PDE3A: variants seen among roughly 807,000 people sequenced by gnomAD.
The protein encoded by PDE3A is phosphodiesterase 3A, also known as cGMP-inhibited 3',5'-cyclic phosphodiesterase 3A.
A neutral mutation model predicts 98.3 loss-of-function variants in PDE3A; 43 were observed. The ratio of observed to expected loss-of-function variants is 0.44; its 90% confidence interval spans 0.34 to 0.56. The LOEUF is 0.56. Among genes scored for constraint, PDE3A ranks in the 20% least tolerant of loss-of-function variants. The pLI is 0.01. For synonymous variants in PDE3A, 663 were observed against 567.9 expected, an observed-to-expected ratio of 1.17 and a Z score of -2.38; for missense variants, 1,427 against 1,440.7, an observed-to-expected ratio of 0.99 and a Z score of 0.15.
At chr12:20,660,718 T>G (rs566313660) in intron 15 of PDE3A, among the ~76,000 whole-genome samples, 2 of 152,318 alleles carry the variant, frequency 1.3e-5, no homozygotes, top group South Asian at 2.1e-4. Context: ...AGATGTGAGT[T>G]GCTTCTCCTT....
chr12:20,513,348 T>G (rs1325647544), intron 1 of PDE3A, among the ~76,000 whole-genome samples: 1 of 152,192 alleles, frequency 6.6e-6, no homozygotes, highest in East Asian at 1.9e-4. Context: ...TATTGTCTAT[T>G]TCATAATATC....
intron 1 of PDE3A, among the ~76,000 whole-genome samples, chr12:20,514,653 AT>A (rs1020163674): frequency 1.3e-5 from 2 of 152,220 alleles, no homozygotes; most frequent in African/African-American, 4.8e-5. Flanking sequence ...GCAGTTATAG[AT>A]TTGTTCAGTG....
chr12:20,673,116 C>G (rs1388267588), intron 15 of PDE3A, among the ~76,000 whole-genome samples: 1 of 152,058 alleles, frequency 6.6e-6, no homozygotes, highest in African/African-American at 2.4e-5. Flanking sequence ...TCATCACTGG[C>G]CATCAGAGAA....
intron 2 of PDE3A, among the ~76,000 whole-genome samples, chr12:20,600,322 A>G (rs539983767): frequency 6.6e-6 from 1 of 152,282 alleles, no homozygotes; most frequent in African/African-American, 2.4e-5. Context: ...AAAGACTCTT[A>G]GCTACGTATC....
rs4415827 is a variant in PDE3A at position 20,648,500 on chromosome 12, T to G, written c.2566-188T>G. The stretch of plus-strand genomic sequence containing the variant: ...GGAAAGGAATTTATCTTACAAAAAG[T>G]GGAAATTTAACCAAGAAAAATAATA... On this transcript the variant is annotated intron_variant, in intron 12 of 15. Coordinates refer to ENST00000359062, the MANE Select transcript of PDE3A (RefSeq NM_000921.5). 0.98 allele frequency among the ~76,000 whole-genome samples: 149,735 copies of G among 152,150 alleles called. 73,721 individuals are homozygous for G. Among genetic ancestry groups the G allele is most frequent in the Middle Eastern group, 1 (294 of 294 alleles).
chr12:20,658,608 G>T (rs1945093442), intron 15 of PDE3A, among the ~76,000 whole-genome samples: 1 of 152,176 alleles, frequency 6.6e-6, no homozygotes, highest in Non-Finnish European at 1.5e-5. Flanking sequence ...GATGTTATGT[G>T]AGCATTGGTT....
rs1371776541 is a variant in PDE3A at position 20,552,798 on chromosome 12, G to A, written c.961-3862G>A. 1.5e-5 allele frequency: 24 copies of A among 1,613,930 alleles called. No homozygotes were observed. Among genetic ancestry groups the A allele is most frequent in the Admixed American group, 5.0e-5 (3 of 60,010 alleles). ...TGAGTAAAGTGGAGGAGACGTTCCA[G>A]TGTATCTGCTGTCAGGAGCTGGTGT... On this transcript the variant is annotated intron_variant, in intron 1 of 15. Transcript: ENST00000359062. This position sits in a 1 kb window ranked among gnomAD's most constrained non-coding sequence, Gnocchi z 5.1.
intron 1 of PDE3A, among the ~76,000 whole-genome samples, chr12:20,541,337 T>G (rs1355173256): frequency 6.6e-6 from 1 of 151,912 alleles, no homozygotes; most frequent in East Asian, 1.9e-4. Context: ...GCTGGCCTCC[T>G]CAACTGATCC....
chr12:20,377,945 CTT>C (rs1196524199), intron 1 of PDE3A, among the ~76,000 whole-genome samples: 2 of 151,652 alleles, frequency 1.3e-5, no homozygotes, highest in South Asian at 4.1e-4. Context: ...TCTAATGTCT[CTT>C]TAGAAATGAA....
intron 1 of PDE3A, among the ~76,000 whole-genome samples, chr12:20,372,269 A>G (rs934518996): frequency 2.0e-5 from 3 of 152,040 alleles, no homozygotes; most frequent in African/African-American, 7.2e-5. Context: ...TATTTCTGTA[A>G]TTTTCTTTGG....
intron 1 of PDE3A, among the ~76,000 whole-genome samples, chr12:20,469,099 G>A (rs79012517): frequency 0.019 from 2,966 of 152,178 alleles, 60 homozygotes; most frequent in Non-Finnish European, 0.029. Context: ...CAGGTATAAG[G>A]AGTCAGAGAT....
At chr12:20,581,263 G>T (rs1592078329) in intron 2 of PDE3A, among the ~76,000 whole-genome samples, 1 of 152,256 alleles carries the variant, frequency 6.6e-6, no homozygotes. Flanking sequence ...CAAACAGAAG[G>T]CTTATTGCCC....
intron 2 of PDE3A, among the ~76,000 whole-genome samples, chr12:20,576,143 AT>A (rs1374859329): frequency 2.6e-5 from 4 of 152,062 alleles, no homozygotes. Flanking sequence ...TGAGTTAAAA[AT>A]AATCCAATTA....
chr12:20,416,854 G>A (rs1944428833), intron 1 of PDE3A, among the ~76,000 whole-genome samples: 2 of 152,154 alleles, frequency 1.3e-5, no homozygotes, highest in East Asian at 1.9e-4. Context: ...ACTTCCTTTA[G>A]GAACAGATAC....
intron 15 of PDE3A, among the ~76,000 whole-genome samples, chr12:20,667,845 G>T (rs551907520): frequency 3.3e-5 from 5 of 152,258 alleles, no homozygotes; most frequent in African/African-American, 1.2e-4. Flanking sequence ...CGGGGGAGGA[G>T]CCAAGATGGC....
intron 1 of PDE3A, among the ~76,000 whole-genome samples, chr12:20,445,538 T>C (rs1489792909): frequency 6.6e-6 from 1 of 152,162 alleles, no homozygotes. Flanking sequence ...TGTATTAAAA[T>C]ATGGGTGGCA....
At position 20,556,666 on chromosome 12, in the gene PDE3A, G is replaced by A; in HGVS notation, c.967G>A (p.Gly323Arg). 1 of 1,590,764 alleles carries A rather than the reference G, an allele frequency of 6.3e-7. No homozygotes were observed. The highest frequency in any genetic ancestry group is 8.6e-7 in the Non-Finnish European group (1 of 1,159,194). The change falls in exon 2 of 16, where the codon GGG becomes AGG. Residue 323 changes from glycine to arginine, a missense_variant. Gly to Arg is a moderately radical substitution (Grantham distance 125). Transcript: ENST00000359062. ...LPCIPREQLM[G>R]HSEWDHKRGP... ...ATAATTTTCATCTTTCCAGCTCATGGGGCATTCAGAATGGGACCACAAACG... is the reference window on the plus strand; with the variant it reads ...ATAATTTTCATCTTTCCAGCTCATGAGGCATTCAGAATGGGACCACAAACG...
rs187238235 is a variant in PDE3A, at chr12:20,430,231, T to A, written c.960+59987T>A. The stretch of plus-strand genomic sequence containing the variant: ...AATATTTGTGGCTCAGCATTGTTGT[T>A]TCATTGTCTATCAAAGTTAATAAAA... On this transcript the variant is annotated intron_variant, in intron 1 of 15. Transcript: ENST00000359062. 1.5e-3 allele frequency among the ~76,000 whole-genome samples: 231 copies of A among 152,300 alleles called. 2 individuals are homozygous for A. The highest frequency in any genetic ancestry group is 5.4e-3 in the African/African-American group (223 of 41,574).
At chr12:20,538,265 G>C (rs1941802401) in intron 1 of PDE3A, among the ~76,000 whole-genome samples, 1 of 152,060 alleles carries the variant, frequency 6.6e-6, no homozygotes, top group South Asian at 2.1e-4. Context: ...CAGGATGTTG[G>C]GGTGGAGGGA....
Sources: allele counts gnomAD v4.1 joint callset (sites outside exome capture counted in the v4.1 genomes callset), GRCh38; gene constraint gnomAD v4.1.1; non-coding constraint Gnocchi (gnomAD v3.1); transcripts MANE v1.5; gene names NCBI Gene and HGNC (gene_info 2026-07-23, HGNC 2026-07-21).